The following COL5A1 variants were observed in gnomAD, a reference collection of about 807,000 sequenced individuals.
COL5A1 encodes collagen alpha-1(V) chain.
Under a neutral mutation model 263.7 loss-of-function variants are expected in COL5A1, and 16 were observed. The ratio of observed to expected loss-of-function variants is 0.06; its 90% CI spans 0.04 to 0.09. The LOEUF (loss-of-function observed/expected upper bound fraction) is 0.09. COL5A1 is among the 10% of genes least tolerant of loss of function. The pLI is 1.00. For missense variants in COL5A1, 2,036 were observed against 2,540.5 expected, an observed-to-expected ratio of 0.80 and a Z score of 4.27; for synonymous variants, 1,012 against 1,004.5, an observed-to-expected ratio of 1.01 and a Z score of -0.14.
intron 26 of COL5A1, among the ~76,000 whole-genome samples, chr9:134,773,557 C>T (rs545744804): frequency 1.3e-5 from 2 of 152,226 alleles, no homozygotes; most frequent in Admixed American, 1.3e-4. Context: ...AGAGGCCCAC[C>T]TGCTCCAGGG....
chr9:134,796,323 A>T (rs1253884086), intron 34 of COL5A1, 51 bp from the exon 35 acceptor site: 1 of 1,591,674 alleles, frequency 6.3e-7, no homozygotes, highest in South Asian at 1.1e-5. Flanking sequence ...GAGTCTTTTC[A>T]TCCAAATAAT....
At chr9:134,759,854 ACC>A (rs1335004950) in intron 18 of COL5A1, among the ~76,000 whole-genome samples, 1 of 31,934 alleles carries the variant, frequency 3.1e-5, no homozygotes, top group African/African-American at 2.1e-4. Context: ...ACACCCCCAC[ACC>A]CCCACACTCA....
chr9:134,842,582 G>C lies in COL5A1; in HGVS notation c.*279G>C. 1 of 552,758 alleles carries C rather than the reference G, an allele frequency of 1.8e-6. No individual in the cohort carries two copies. Among genetic ancestry groups the C allele is most frequent in the Non-Finnish European group, 3.3e-6 (1 of 307,306 alleles). 34.2% of individuals were successfully genotyped at this position (552,758 alleles called of 1,614,324 possible). ...CTGTCCACACCCACGCGCCCCGGGA[G>C]CGGGGCCATGCCTCCAGCCCCCCAG... On this transcript the variant is annotated 3_prime_UTR_variant, in exon 66 of 66. Transcript: ENST00000371817. The surrounding 1 kb of genome is among the most constrained non-coding windows in gnomAD (Gnocchi z 5.8).
At chr9:134,687,669 C>A (rs561526733) in intron 1 of COL5A1, among the ~76,000 whole-genome samples, 1 of 152,174 alleles carries the variant, frequency 6.6e-6, no homozygotes, top group Non-Finnish European at 1.5e-5. Context: ...GAGTAGGCAC[C>A]GGGCTGGGTG....
chr9:134,728,367 G>A (rs1200525056), intron 5 of COL5A1, among the ~76,000 whole-genome samples: 3 of 152,372 alleles, frequency 2.0e-5, no homozygotes, highest in East Asian at 1.9e-4. Flanking sequence ...CATTCTGTTG[G>A]TTGTTCTGGC....
chr9:134,722,336 G>A (rs1380216892), intron 4 of COL5A1, among the ~76,000 whole-genome samples: 3 of 152,228 alleles, frequency 2.0e-5, no homozygotes, highest in East Asian at 1.9e-4. Context: ...GCTTTGTCCC[G>A]CTTCGTGGGT....
intron 63 of COL5A1, among the ~76,000 whole-genome samples, chr9:134,829,226 C>T (rs1017049770): frequency 1.3e-5 from 2 of 152,362 alleles, no homozygotes; most frequent in African/African-American, 4.8e-5. Context: ...AGAGGCAGAG[C>T]GCACCCTTCC....
At chr9:134,733,055 G>A (rs1479726719) in intron 9 of COL5A1, among the ~76,000 whole-genome samples, 7 of 152,194 alleles carry the variant, frequency 4.6e-5, no homozygotes, top group Admixed American at 6.5e-5. Context: ...GCCCACAGGA[G>A]GAGGTGTGCG....
intron 53 of COL5A1, among the ~76,000 whole-genome samples, chr9:134,817,521 C>A (rs540164095): frequency 2.6e-5 from 4 of 152,330 alleles, no homozygotes; most frequent in Non-Finnish European, 5.9e-5. Flanking sequence ...CCCCACGTGG[C>A]CTGAGAGGCC....
intron 1 of COL5A1, among the ~76,000 whole-genome samples, chr9:134,688,473 C>T (rs1160828247): frequency 6.6e-6 from 1 of 152,230 alleles, no homozygotes. Flanking sequence ...GGTGCAGCCT[C>T]ACCAGGCACT....
At chr9:134,774,171 A>C (rs975873613) in intron 26 of COL5A1, among the ~76,000 whole-genome samples, 1 of 152,206 alleles carries the variant, frequency 6.6e-6, no homozygotes, top group Non-Finnish European at 1.5e-5. Flanking sequence ...TGTGCCAGGC[A>C]TCCTGTTAGC....
chr9:134,815,536 T>G, intron 50 of COL5A1, 40 bp from the exon 51 acceptor site: 1 of 1,604,530 alleles, frequency 6.2e-7, no homozygotes. Flanking sequence ...TCAGTCAGGT[T>G]GCTGATGGCC....
At chr9:134,674,817 G>C (rs935136700) in intron 1 of COL5A1, among the ~76,000 whole-genome samples, 1 of 152,018 alleles carries the variant, frequency 6.6e-6, no homozygotes, top group Non-Finnish European at 1.5e-5. Flanking sequence ...GGAGGTGGAG[G>C]TTGCAGTGAG....
intron 9 of COL5A1, among the ~76,000 whole-genome samples, chr9:134,736,424 A>C (rs1835099870): frequency 6.6e-6 from 1 of 151,788 alleles, no homozygotes; most frequent in Admixed American, 6.6e-5. Context: ...TCAAGAGCCC[A>C]CTCCCACCCT....
At chr9:134,713,721 A>G (rs1834150151) in intron 4 of COL5A1, among the ~76,000 whole-genome samples, 1 of 152,216 alleles carries the variant, frequency 6.6e-6, no homozygotes, top group Admixed American at 6.5e-5. Flanking sequence ...TGTGGCGGCC[A>G]CAGGAATGCA....
intron 26 of COL5A1, among the ~76,000 whole-genome samples, chr9:134,773,060 C>T (rs1836918283): frequency 6.6e-6 from 1 of 152,256 alleles, no homozygotes; most frequent in South Asian, 2.1e-4. Context: ...TCACCCCACC[C>T]TCCAGTTGCT....
intron 57 of COL5A1, among the ~76,000 whole-genome samples, chr9:134,819,455 GA>G (rs1167876287): frequency 6.6e-6 from 1 of 152,216 alleles, no homozygotes; most frequent in African/African-American, 2.4e-5. Flanking sequence ...TAACTGCTGG[GA>G]ATTGTTTTCC....
intron 9 of COL5A1, among the ~76,000 whole-genome samples, chr9:134,735,912 C>T (rs531182495): frequency 3.3e-5 from 5 of 152,384 alleles, no homozygotes; most frequent in African/African-American, 7.2e-5. Flanking sequence ...GGTGTTCCCC[C>T]CAACCGGGAG....
intron 3 of COL5A1, 29 bp from the exon 4 acceptor site, chr9:134,701,142 C>G: frequency 6.2e-7 from 1 of 1,612,866 alleles, no homozygotes; most frequent in Non-Finnish European, 8.5e-7. Context: ...GTGATCCAAG[C>G]CCTGTCTTCA....
Sources: gnomAD v4.1 joint callset for allele counts (sites outside exome capture counted in the v4.1 genomes callset) on GRCh38, gnomAD v4.1.1 for gene constraint, Gnocchi (gnomAD v3.1) non-coding constraint, MANE v1.5 for transcripts, NCBI Gene and HGNC (gene_info 2026-07-23, HGNC 2026-07-21) for gene names.